NOVA1: variants seen among roughly 807,000 people sequenced by gnomAD.
The protein encoded by NOVA1 is NOVA alternative splicing regulator 1.
A neutral mutation model predicts 38.0 loss-of-function variants in NOVA1; 7 were observed. The ratio of observed to expected loss-of-function variants is 0.18; its 90% confidence interval spans 0.10 to 0.35. The LOEUF is 0.35. Ranked by LOEUF, NOVA1 falls within the 10% of genes least tolerant of loss-of-function variation. The pLI is 1.00. For missense variants in NOVA1, 460 were observed against 616.0 expected, an observed-to-expected ratio of 0.75 and a Z score of 2.68; for synonymous variants, 270 against 232.5, an observed-to-expected ratio of 1.16 and a Z score of -1.47.
rs1445981860 is a variant in NOVA1 at position 26,519,316 on chromosome 14, C to T, written c.281-39173G>A. The T allele has an allele frequency of 2.0e-5, 3 of 152,086 alleles. No individual in the cohort carries two copies. In the South Asian group the frequency reaches 6.2e-4, roughly 32 times the overall value. The allele number at this position is 152,086 out of a possible 1,614,324, so 9.4% of individuals were successfully genotyped here. A position where few individuals can be genotyped will look rare whatever the true frequency, so the allele number is the denominator to read the frequency against. ...AGATTATTAAAGTTATTGGGAGGCA[C>T]TGTGAGCAATGGGAAAGGTGAGTAT... On this transcript the variant is annotated intron_variant, in intron 2 of 4. Coordinates refer to ENST00000539517, the MANE Select transcript of NOVA1 (RefSeq NM_002515.3).
intron 1 of NOVA1, chr14:26,596,845 T>C (rs1343965250): frequency 1.3e-5 from 15 of 1,111,296 alleles, no homozygotes; most frequent in Non-Finnish European, 1.7e-5. Flanking sequence ...GGAAAAACTC[T>C]CCGGCGCCCC....
chr14:26,553,642 T>C (rs1209580787), intron 2 of NOVA1, among the ~76,000 whole-genome samples: 1 of 151,942 alleles, frequency 6.6e-6, no homozygotes, highest in Non-Finnish European at 1.5e-5. Context: ...GTGTAGTGAA[T>C]GTGAAAGTAG....
In NOVA1 at chr14:26,484,443, A is replaced by C. The variant is rs1304607511; in HGVS notation, c.281-4300T>G. On this transcript the variant is annotated intron_variant, in intron 2 of 4. Transcript: ENST00000539517. Reference sequence around the variant, plus strand: ...ACTCCGTCTCGAAAAAAAAAAAAAAAAAAAAAAAAAAAAAAAAAAGAAATT... The same window carrying C: ...ACTCCGTCTCGAAAAAAAAAAAAAACAAAAAAAAAAAAAAAAAAAGAAATT... Among the ~76,000 whole-genome samples, 8 of 150,270 alleles carry C rather than the reference A, an allele frequency of 5.3e-5. No homozygotes were observed. In the South Asian group the frequency reaches 1.3e-3, roughly 23 times the overall value.
intron 2 of NOVA1, among the ~76,000 whole-genome samples, chr14:26,552,059 T>C (rs536658450): frequency 1.2e-4 from 18 of 152,208 alleles, no homozygotes; most frequent in African/African-American, 4.1e-4. Context: ...ATTAATAGCA[T>C]ACAACAACTA....
intron 2 of NOVA1, 96 bp downstream of exon 2, chr14:26,595,314 A>G (rs1372988811): frequency 1.7e-6 from 2 of 1,206,058 alleles, no homozygotes; most frequent in East Asian, 2.3e-5. Context: ...AGTCTCCAGT[A>G]TTGTTTAAAA....
At chr14:26,597,200 C>T in intron 1 of NOVA1, 101 bp downstream of exon 1, 1 of 682,384 alleles carries the variant, frequency 1.5e-6, no homozygotes. Flanking sequence ...GTCCGGGCCG[C>T]GGGAGGGAGG....
At chr14:26,564,929 A>C (rs1399088691) in intron 2 of NOVA1, among the ~76,000 whole-genome samples, 2 of 152,210 alleles carry the variant, frequency 1.3e-5, no homozygotes, top group African/African-American at 4.8e-5. Context: ...TGTATCACAC[A>C]TATACCTAAC....
At chr14:26,509,532 G>A (rs1050294019) in intron 2 of NOVA1, among the ~76,000 whole-genome samples, 8 of 152,200 alleles carry the variant, frequency 5.3e-5, no homozygotes, top group Admixed American at 6.5e-5. Flanking sequence ...GACAGAGCAA[G>A]ACAGAAGAGA....
At chr14:26,596,942 C>T in intron 1 of NOVA1, 1 of 1,205,188 alleles carries the variant, frequency 8.3e-7, no homozygotes, top group Non-Finnish European at 1.0e-6. Flanking sequence ...GGGCGGCCAT[C>T]ACCTCACTCC....
At chr14:26,551,388 T>C (rs1201607517) in intron 2 of NOVA1, among the ~76,000 whole-genome samples, 1 of 152,104 alleles carries the variant, frequency 6.6e-6, no homozygotes, top group East Asian at 1.9e-4. Context: ...AAGAGCTACC[T>C]CAAATAACTT....
chr14:26,503,745 A>G (rs1207079602), intron 2 of NOVA1, among the ~76,000 whole-genome samples: 1 of 152,112 alleles, frequency 6.6e-6, no homozygotes, highest in African/African-American at 2.4e-5. Flanking sequence ...AGGGTTCAAC[A>G]TCCAGAGGTT....
intron 4 of NOVA1, among the ~76,000 whole-genome samples, chr14:26,464,634 C>A (rs879820550): frequency 4.6e-5 from 7 of 151,982 alleles, no homozygotes; most frequent in Admixed American, 2.0e-4. Flanking sequence ...TTACTAGTTT[C>A]TTGATATTTC....
chr14:26,468,907 A>G (rs1292422692), intron 4 of NOVA1, among the ~76,000 whole-genome samples: 1 of 152,180 alleles, frequency 6.6e-6, no homozygotes, highest in African/African-American at 2.4e-5. Context: ...GAGAGCTAAC[A>G]AGGACTAAGG....
intron 2 of NOVA1, among the ~76,000 whole-genome samples, chr14:26,521,627 C>T (rs577892876): frequency 1.3e-5 from 2 of 151,996 alleles, no homozygotes; most frequent in East Asian, 1.9e-4. Flanking sequence ...TTAAAATTTA[C>T]TCTTTATCTT....
chr14:26,595,282 C>T (rs1380249613), intron 2 of NOVA1, 128 bp downstream of exon 2: 1 of 880,984 alleles, frequency 1.1e-6, no homozygotes, highest in African/African-American at 1.7e-5. Context: ...CAATATATTC[C>T]TATAAAGCAA....
At chr14:26,537,471 T>A (rs1259535180) in intron 2 of NOVA1, among the ~76,000 whole-genome samples, 2 of 152,138 alleles carry the variant, frequency 1.3e-5, no homozygotes, top group South Asian at 4.1e-4. Context: ...TTTCAAAAGC[T>A]TCATTGTTTT....
At chr14:26,557,495 G>A (rs948765739) in intron 2 of NOVA1, among the ~76,000 whole-genome samples, 1 of 151,910 alleles carries the variant, frequency 6.6e-6, no homozygotes, top group Admixed American at 6.6e-5. Flanking sequence ...CCAAGTAGCA[G>A]GGACTACAGG....
In NOVA1 at chr14:26,447,880, C is replaced by G; in HGVS notation, c.*79G>C. 1 of 1,152,028 alleles carries G rather than the reference C, an allele frequency of 8.7e-7. No homozygotes were observed. Among genetic ancestry groups the G allele is most frequent in the South Asian group, 1.4e-5 (1 of 70,978 alleles). The allele number at this position is 1,152,028 out of a possible 1,614,324, so 71.4% of individuals were successfully genotyped here. A position where few individuals can be genotyped will look rare whatever the true frequency, so the allele number is the denominator to read the frequency against. ...ATATATTAATAACAGAAAAACTTCA[C>G]TTCTGCAAAGTACAGTACATCCTTC... On this transcript the variant is annotated 3_prime_UTR_variant, in exon 5 of 5. Transcript: ENST00000539517.
chr14:26,530,160 C>T (rs1157910616), intron 2 of NOVA1, among the ~76,000 whole-genome samples: 2 of 152,090 alleles, frequency 1.3e-5, no homozygotes, highest in Admixed American at 6.6e-5. Context: ...CCTCATGATC[C>T]GCCTGCCTCG....
Sources: gnomAD v4.1 joint callset for allele counts (sites outside exome capture counted in the v4.1 genomes callset) on GRCh38, gnomAD v4.1.1 for gene constraint, MANE v1.5 for transcripts, NCBI Gene and HGNC (gene_info 2026-07-23, HGNC 2026-07-21) for gene names.